TAF4: variants seen among roughly 807,000 people sequenced by gnomAD.
The protein encoded by TAF4 is TATA-box binding protein associated factor 4.
Under a neutral mutation model 90.3 loss-of-function variants are expected in TAF4, and 9 were observed. The ratio of observed to expected loss-of-function variants is 0.10; its 90% CI spans 0.06 to 0.17. The LOEUF (loss-of-function observed/expected upper bound fraction) is 0.17. Among genes scored for constraint, TAF4 ranks in the 10% least tolerant of loss-of-function variants. TAF4 has a pLI of 1.00. For missense variants in TAF4, 1,351 were observed against 1,370.7 expected (o/e 0.99, Z 0.23); for synonymous variants, 818 against 638.9 (o/e 1.28, Z -4.23).
intron 1 of TAF4, among the ~76,000 whole-genome samples, chr20:62,053,697 C>T (rs1290533189): frequency 6.6e-6 from 1 of 152,236 alleles, no homozygotes. Context: ...ATCCCCCTGG[C>T]CCACCAAGGC....
chr20:61,983,383 C>T lies in TAF4; in HGVS notation c.3091-7048G>A, dbSNP rs749526403. ...AAATATTTAAAATTCAGGCCAGGTA[C>T]GGCAACTCACACCTGTAATCTCAAT... On this transcript the variant is annotated intron_variant, in intron 14 of 14. Coordinates refer to ENST00000252996, the MANE Select transcript of TAF4 (RefSeq NM_003185.4). Among the ~76,000 whole-genome samples, 18 of 151,936 alleles carry T rather than the reference C, an allele frequency of 1.2e-4. 1 individual carries two copies. The highest frequency in any genetic ancestry group is 7.4e-5 in the Non-Finnish European group (5 of 68,020).
At chr20:62,057,624 C>T (rs1000508409) in intron 1 of TAF4, among the ~76,000 whole-genome samples, 3 of 147,812 alleles carry the variant, frequency 2.0e-5, no homozygotes, top group African/African-American at 7.4e-5. Context: ...TCAGGAAGGA[C>T]GGACACAGGC....
At chr20:62,043,595 G>A (rs892752743) in intron 1 of TAF4, among the ~76,000 whole-genome samples, 11 of 152,056 alleles carry the variant, frequency 7.2e-5, no homozygotes, top group African/African-American at 2.4e-4. Context: ...CGCCATTCAT[G>A]GTGAGTGCCC....
intron 14 of TAF4, among the ~76,000 whole-genome samples, chr20:61,984,305 C>T (rs2055569193): frequency 6.6e-6 from 1 of 152,162 alleles, no homozygotes; most frequent in Non-Finnish European, 1.5e-5. Flanking sequence ...GAAAGAGCTG[C>T]CTCTCTCACA....
intron 1 of TAF4, among the ~76,000 whole-genome samples, chr20:62,020,909 A>G (rs1600847462): frequency 6.6e-6 from 1 of 152,350 alleles, no homozygotes; most frequent in South Asian, 2.1e-4. Flanking sequence ...AGGAGGACAG[A>G]AAGGACAGCA....
At chr20:62,003,619 T>C in intron 8 of TAF4, 112 bp downstream of exon 8, 1 of 1,312,116 alleles carries the variant, frequency 7.6e-7, no homozygotes, top group African/African-American at 1.5e-5. Context: ...ATACTTAAAA[T>C]GGCCAATTTT....
intron 1 of TAF4, among the ~76,000 whole-genome samples, chr20:62,057,566 C>T (rs1038355563): frequency 1.3e-5 from 2 of 152,222 alleles, no homozygotes; most frequent in South Asian, 2.1e-4. Flanking sequence ...CTCACATCGG[C>T]GCTTTCCAGT....
chr20:61,993,133 C>G (rs1012233505), intron 14 of TAF4, among the ~76,000 whole-genome samples: 2 of 152,174 alleles, frequency 1.3e-5, no homozygotes, highest in African/African-American at 4.8e-5. Context: ...CAAAAGAACA[C>G]CCCAAAGAGG....
chr20:62,021,583 C>A (rs1486459373), intron 1 of TAF4, among the ~76,000 whole-genome samples: 1 of 152,260 alleles, frequency 6.6e-6, no homozygotes, highest in Admixed American at 6.5e-5. Flanking sequence ...CGGGGCTCTG[C>A]GGACTGCGGC....
At position 62,065,652 on chromosome 20, in the gene TAF4, C is replaced by T; in HGVS notation, c.159G>A (p.Ala53=). ...LAPRTPEVRA[A]AAGALGNHVV... is the part of the protein sequence containing the mutation. Reference sequence around the variant, plus strand: ...CATGGTTCCCGAGCGCGCCGGCGGCCGCGGCCCGCACCTCGGGCGTGCGCG... The same window carrying T: ...CATGGTTCCCGAGCGCGCCGGCGGCTGCGGCCCGCACCTCGGGCGTGCGCG... Residue 53 remains alanine (A), a synonymous_variant, in exon 1 of 15, where the codon GCG becomes GCA. Transcript: ENST00000252996. 1 of 1,064,568 alleles carries T rather than the reference C, an allele frequency of 9.4e-7. No homozygotes were observed. Among genetic ancestry groups the T allele is most frequent in the Non-Finnish European group, 1.1e-6 (1 of 883,258 alleles). 65.9% of individuals were successfully genotyped at this position (1,064,568 alleles called of 1,614,324 possible). A position where few individuals can be genotyped will look rare whatever the true frequency, so the allele number is the denominator to read the frequency against.
Position 61,999,045 on chromosome 20 carries a change from C to T in TAF4, c.2851G>A (p.Asp951Asn). The T allele has an allele frequency of 6.2e-7, 1 of 1,614,138 alleles. No individual in the cohort carries two copies. The highest frequency in any genetic ancestry group is 8.5e-7 in the Non-Finnish European group (1 of 1,180,038). Reference protein sequence around the residue: ...RAQLKFFEQLDQIEKQRKDEQ... With the variant: ...RAQLKFFEQLNQIEKQRKDEQ... ...TCCTTCCTCTGCTTTTCGATTTGATCAAGCTGTTCAAAAAACTTGAGCTGT... is the reference window on the plus strand; with the variant it reads ...TCCTTCCTCTGCTTTTCGATTTGATTAAGCTGTTCAAAAAACTTGAGCTGT... The change falls in exon 12 of 15, where the codon GAT becomes AAT. Residue 951 changes from aspartate to asparagine, a missense_variant. By Grantham distance (23) the Asp-to-Asn change is conservative. Coordinates refer to ENST00000252996, the MANE Select transcript of TAF4 (RefSeq NM_003185.4).
intron 5 of TAF4, 113 bp from the exon 6 acceptor site, chr20:62,007,749 T>C: frequency 3.0e-6 from 3 of 1,007,090 alleles, no homozygotes; most frequent in East Asian, 2.6e-5. Context: ...CGAGTTTCAC[T>C]GGACAGAGGA....
intron 1 of TAF4, among the ~76,000 whole-genome samples, chr20:62,043,589 A>T (rs1403762019): frequency 6.6e-6 from 1 of 152,082 alleles, no homozygotes; most frequent in East Asian, 1.9e-4. Context: ...TGCAAGCGCC[A>T]TTCATGGTGA....
intron 14 of TAF4, among the ~76,000 whole-genome samples, chr20:61,982,056 A>C (rs2055546496): frequency 7.6e-6 from 1 of 132,312 alleles, no homozygotes. Context: ...AAGAGGAGAC[A>C]CCAAACCCAC....
At chr20:61,998,578 A>G (rs1425215145) in intron 12 of TAF4, among the ~76,000 whole-genome samples, 2 of 152,178 alleles carry the variant, frequency 1.3e-5, no homozygotes, top group Non-Finnish European at 2.9e-5. Flanking sequence ...CCCACTCCAC[A>G]GTACCCACCC....
Position 62,065,422 on chromosome 20 carries a change from G to A in TAF4, c.389C>T (p.Pro130Leu), listed in dbSNP as rs1452434347. 3 of 975,402 alleles carry A rather than the reference G, an allele frequency of 3.1e-6. No homozygotes were observed. The highest frequency in any genetic ancestry group is 1.2e-4 in the East Asian group (1 of 8,458). 60.4% of individuals were successfully genotyped at this position (975,402 alleles called of 1,614,324 possible). A position where few individuals can be genotyped will look rare whatever the true frequency, so the allele number is the denominator to read the frequency against. The part of the protein sequence containing the change: ...APPAAKLRPP[P>L]EGSAGSCAPV... ...GGCGCAGGACCCCGCGCTGCCCTCG[G>A]GCGGCGGCCTCAGCTTCGCGGCGGG... The change falls in exon 1 of 15, where the codon CCC (proline) becomes CTC (leucine). Residue 130 changes from proline (P) to leucine (L), a missense_variant. Coordinates refer to ENST00000252996, the MANE Select transcript of TAF4 (RefSeq NM_003185.4).
At chr20:61,994,566 C>T (rs762995753) in intron 14 of TAF4, among the ~76,000 whole-genome samples, 2 of 152,232 alleles carry the variant, frequency 1.3e-5, no homozygotes, top group Non-Finnish European at 1.5e-5. Flanking sequence ...GTGTCTGTTA[C>T]ACCTGGAGTC....
chr20:62,026,760 G>A (rs373346920), intron 1 of TAF4, among the ~76,000 whole-genome samples: 3 of 152,170 alleles, frequency 2.0e-5, no homozygotes, highest in Non-Finnish European at 4.4e-5. Context: ...ACCCACCCAC[G>A]GCTTGCTGCC....
Position 62,064,668 on chromosome 20 carries a change from C to T in TAF4, c.1143G>A (p.Gly381=), listed in dbSNP as rs563151122. Residue 381 remains glycine, a synonymous_variant, in exon 1 of 15, where the codon GGG becomes GGA. Coordinates refer to ENST00000252996, the MANE Select transcript of TAF4 (RefSeq NM_003185.4). ...GGACGGCGGCCGGGCTGGGCAGCGCCCCTTGCATAGTTGGCCCGATGACCA... is the reference window on the plus strand; with the variant it reads ...GGACGGCGGCCGGGCTGGGCAGCGCTCCTTGCATAGTTGGCCCGATGACCA... ...ASMVIGPTMQ[G]ALPSPAAVPP... The T allele has an allele frequency of 6.4e-4, 819 of 1,286,784 alleles. 12 individuals are homozygous for T. The East Asian group carries it at 0.018, about 28-fold the overall frequency. 79.7% of individuals were successfully genotyped at this position (1,286,784 alleles called of 1,614,324 possible). A position where few individuals can be genotyped will look rare whatever the true frequency, so the allele number is the denominator to read the frequency against.
Sources: gnomAD v4.1 joint callset for allele counts (sites outside exome capture counted in the v4.1 genomes callset) on GRCh38, gnomAD v4.1.1 for gene constraint, MANE v1.5 for transcripts, NCBI Gene and HGNC (gene_info 2026-07-23, HGNC 2026-07-21) for gene names.